ENOX1: variants seen among roughly 807,000 people sequenced by gnomAD.
The protein encoded by ENOX1 is ecto-NOX disulfide-thiol exchanger 1.
In ENOX1, 42 loss-of-function variants were observed where a neutral mutation model predicts 82.5. The observed-to-expected ratio is 0.51, with a 90% CI of 0.40 to 0.66. The LOEUF is 0.66. ENOX1 is among the 30% of genes least tolerant of loss of function. The probability of loss-of-function intolerance (pLI) is 0.00; values close to 1 mark genes in which losing one functional copy is unlikely to be tolerated. For synonymous variants in ENOX1, 271 were observed against 282.2 expected (o/e 0.96, Z 0.40); for missense variants, 608 against 811.6 (o/e 0.75, Z 3.05).
At chr13:43,602,915 G>GA (rs1211216130) in intron 2 of ENOX1, among the ~76,000 whole-genome samples, 1 of 152,050 alleles carries the variant, frequency 6.6e-6, no homozygotes, top group Non-Finnish European at 1.5e-5. Context: ...ATTTCTAAGG[G>GA]AAAAAGTATC....
rs2077319275 is a variant in ENOX1 at position 43,510,285 on chromosome 13, TAC to T, written c.-218-26135_-218-26134del. 2.0e-5 allele frequency among the ~76,000 whole-genome samples: 3 copies of T among 151,894 alleles called. No homozygotes were observed. The South Asian group carries it at 6.2e-4, about 32-fold the overall frequency. On this transcript the variant is annotated intron_variant, in intron 2 of 16. Transcript: ENST00000690772. Reference sequence around the variant, plus strand: ...GGCACTCCTATTTCTGATGCATTCATACAGAGTGATGGTTGTTACTAACATTG... The same window carrying T: ...GGCACTCCTATTTCTGATGCATTCATAGAGTGATGGTTGTTACTAACATTG...
chr13:43,700,960 A>AT (rs1346395136), intron 1 of ENOX1, among the ~76,000 whole-genome samples: 3 of 152,130 alleles, frequency 2.0e-5, no homozygotes, highest in South Asian at 2.1e-4. Flanking sequence ...ATTTTAAAAG[A>AT]TTTTTTCTTA....
intron 15 of ENOX1, among the ~76,000 whole-genome samples, chr13:43,236,296 T>C (rs1234616042): frequency 1.3e-5 from 2 of 152,198 alleles, no homozygotes; most frequent in South Asian, 2.1e-4. Context: ...CCTGGGGATA[T>C]GGCTTGGTTT....
rs3024232 is a variant in ENOX1 at position 43,719,302 on chromosome 13, T to TACACACACACACACACACAC, written c.-284-51778_-284-51759dup. On this transcript the variant is annotated intron_variant, in intron 1 of 16. Transcript: ENST00000690772. ...AGTACTCCATATATATTCATTCAAA[T>TACACACACACACACACACAC]ACACACACACACACACACACACACA... Among the ~76,000 whole-genome samples the TACACACACACACACACACAC allele has an allele frequency of 2.8e-3, 350 of 126,776 alleles. 3 individuals are homozygous for TACACACACACACACACACAC. Among genetic ancestry groups the TACACACACACACACACACAC allele is most frequent in the African/African-American group, 6.0e-3 (207 of 34,428 alleles). The allele number at this position is 126,776 out of a possible 152,430, so 83.2% of individuals were successfully genotyped here. A position where few individuals can be genotyped will look rare whatever the true frequency, so the allele number is the denominator to read the frequency against.
intron 2 of ENOX1, among the ~76,000 whole-genome samples, chr13:43,629,319 G>C (rs1170140216): frequency 6.6e-6 from 1 of 152,198 alleles, no homozygotes; most frequent in African/African-American, 2.4e-5. Context: ...TGGCTAGAGA[G>C]AGTAGGCTTC....
intron 8 of ENOX1, among the ~76,000 whole-genome samples, chr13:43,350,181 C>A (rs569924112): frequency 2.0e-5 from 3 of 152,136 alleles, no homozygotes; most frequent in Non-Finnish European, 2.9e-5. Flanking sequence ...CTTTATAAAG[C>A]GAATTCTCCT....
Position 43,585,511 on chromosome 13 carries a change from A to G in ENOX1, c.-219+81968T>C, listed in dbSNP as rs1419923627. 5.9e-5 allele frequency among the ~76,000 whole-genome samples: 9 copies of G among 152,332 alleles called. No individual in the cohort carries two copies. The South Asian group carries it at 1.7e-3, about 28-fold the overall frequency. On this transcript the variant is annotated intron_variant, in intron 2 of 16. Transcript: ENST00000690772. ...CCTTATTCATTGATCGCTCACAGTTAACCACCCTGCCACTTGACTTGCCAA... is the reference window on the plus strand; with the variant it reads ...CCTTATTCATTGATCGCTCACAGTTGACCACCCTGCCACTTGACTTGCCAA...
intron 2 of ENOX1, among the ~76,000 whole-genome samples, chr13:43,494,933 A>G (rs13378766): frequency 0.23 from 35,617 of 152,070 alleles, 4,370 homozygotes; most frequent in Middle Eastern, 0.3. Context: ...TGCAGTCAAC[A>G]ATTATAGGAA....
At chr13:43,424,628 G>A (rs1384403333) in intron 3 of ENOX1, among the ~76,000 whole-genome samples, 3 of 152,198 alleles carry the variant, frequency 2.0e-5, no homozygotes, top group East Asian at 1.9e-4. Context: ...AGTCATGATC[G>A]CCCTGGGACA....
chr13:43,374,160 G>C (rs2051444632), intron 5 of ENOX1, among the ~76,000 whole-genome samples: 1 of 137,998 alleles, frequency 7.2e-6, no homozygotes, highest in African/African-American at 2.7e-5. Context: ...CTATCCCCCA[G>C]ATTTTTCATT....
At chr13:43,678,562 G>C (rs532849703) in intron 1 of ENOX1, among the ~76,000 whole-genome samples, 5 of 152,246 alleles carry the variant, frequency 3.3e-5, no homozygotes, top group Admixed American at 2.6e-4. Flanking sequence ...ACTTCCATCA[G>C]GCACAATGGA....
intron 14 of ENOX1, among the ~76,000 whole-genome samples, chr13:43,258,948 G>A (rs2043903815): frequency 6.6e-6 from 1 of 152,220 alleles, no homozygotes; most frequent in Non-Finnish European, 1.5e-5. Context: ...GTTTTGGTAA[G>A]TGAAAGGCAT....
intron 3 of ENOX1, among the ~76,000 whole-genome samples, chr13:43,413,278 C>T (rs2296043): frequency 6.6e-6 from 1 of 152,162 alleles, no homozygotes; most frequent in Admixed American, 6.5e-5. Flanking sequence ...ACTGAAGCAC[C>T]TTCACAAATG....
intron 3 of ENOX1, among the ~76,000 whole-genome samples, chr13:43,464,753 C>T (rs1462623991): frequency 1.3e-5 from 2 of 152,140 alleles, no homozygotes; most frequent in East Asian, 3.9e-4. Flanking sequence ...ACTAACTCAA[C>T]TCCAGACTTC....
At chr13:43,739,986 C>T (rs749720683) in intron 1 of ENOX1, among the ~76,000 whole-genome samples, 1 of 152,032 alleles carries the variant, frequency 6.6e-6, no homozygotes, top group Non-Finnish European at 1.5e-5. Context: ...TTCTTAGTAA[C>T]GTTTTCTTTT....
At chr13:43,707,323 C>T (rs886210543) in intron 1 of ENOX1, among the ~76,000 whole-genome samples, 1 of 152,004 alleles carries the variant, frequency 6.6e-6, no homozygotes, top group Non-Finnish European at 1.5e-5. Context: ...GTGACCTGCC[C>T]CAAAGTTGAT....
At chr13:43,494,834 C>T (rs952723937) in intron 2 of ENOX1, among the ~76,000 whole-genome samples, 1 of 151,836 alleles carries the variant, frequency 6.6e-6, no homozygotes, top group South Asian at 2.1e-4. Context: ...AGTTAGACAG[C>T]AGTGGAAATA....
intron 14 of ENOX1, among the ~76,000 whole-genome samples, chr13:43,255,085 A>C (rs1777439273): frequency 6.6e-6 from 1 of 152,234 alleles, no homozygotes; most frequent in Non-Finnish European, 1.5e-5. Flanking sequence ...ACAAATTAAA[A>C]AGACCATTCA....
chr13:43,605,193 A>C (rs1347958787), intron 2 of ENOX1, among the ~76,000 whole-genome samples: 4 of 152,190 alleles, frequency 2.6e-5, no homozygotes, highest in African/African-American at 9.6e-5. Flanking sequence ...TTTCATGTGC[A>C]TGGGCTGGAA....
Sources: gnomAD v4.1 joint callset for allele counts (sites outside exome capture counted in the v4.1 genomes callset) on GRCh38, gnomAD v4.1.1 for gene constraint, MANE v1.5 for transcripts, NCBI Gene and HGNC (gene_info 2026-07-23, HGNC 2026-07-21) for gene names.